TACR3: variants seen among roughly 807,000 people sequenced by gnomAD.
TACR3 encodes the protein tachykinin receptor 3.
In TACR3, 34 loss-of-function variants were observed where a neutral mutation model predicts 35.0. The observed-to-expected ratio is 0.97, with a 90% CI of 0.74 to 1.30. The LOEUF is 1.30. Ranked by LOEUF, TACR3 falls within the 50% of genes most tolerant of loss-of-function variation. TACR3 has a pLI of 0.00. For missense variants in TACR3, 558 were observed against 591.7 expected (o/e 0.94, Z 0.59); for synonymous variants, 233 against 221.1 (o/e 1.05, Z -0.48).
chr4:103,648,639 A>C (rs1354704412), intron 3 of TACR3, among the ~76,000 whole-genome samples: 1 of 152,114 alleles, frequency 6.6e-6, no homozygotes, highest in East Asian at 1.9e-4. Context: ...ATGGCTGAAA[A>C]GTACTCCATT....
intron 1 of TACR3, among the ~76,000 whole-genome samples, chr4:103,690,738 A>C (rs944994102): frequency 6.6e-6 from 1 of 152,154 alleles, no homozygotes; most frequent in Admixed American, 6.6e-5. Context: ...TAAAATAAGT[A>C]TCAACATTTT....
intron 3 of TACR3, among the ~76,000 whole-genome samples, chr4:103,604,732 G>C (rs982942163): frequency 3.9e-5 from 6 of 152,020 alleles, no homozygotes; most frequent in Non-Finnish European, 1.5e-5. Context: ...CAAAGGATAT[G>C]AAGAGACACT....
At chr4:103,639,337 C>A (rs1038410444) in intron 3 of TACR3, among the ~76,000 whole-genome samples, 11 of 151,688 alleles carry the variant, frequency 7.3e-5, no homozygotes, top group Admixed American at 2.0e-4. Context: ...AAACTATCGC[C>A]AGGACAAAAA....
intron 1 of TACR3, among the ~76,000 whole-genome samples, chr4:103,703,795 G>T (rs1722719681): frequency 6.6e-6 from 1 of 151,832 alleles, no homozygotes; most frequent in Non-Finnish European, 1.5e-5. Flanking sequence ...AGGAACTTTG[G>T]GTATTAAGAA....
chr4:103,638,723 T>A (rs1047541299), intron 3 of TACR3, among the ~76,000 whole-genome samples: 1 of 151,922 alleles, frequency 6.6e-6, no homozygotes, highest in African/African-American at 2.4e-5. Context: ...GAATCTACAA[T>A]GAACTCAAAC....
intron 1 of TACR3, among the ~76,000 whole-genome samples, chr4:103,660,611 T>C (rs1403695495): frequency 6.6e-6 from 1 of 151,982 alleles, no homozygotes; most frequent in East Asian, 1.9e-4. Context: ...TTTAGTGCCT[T>C]GATTGTGGCG....
intron 3 of TACR3, among the ~76,000 whole-genome samples, chr4:103,638,873 C>A (rs370664084): frequency 0.019 from 2,841 of 152,006 alleles, 86 homozygotes; most frequent in African/African-American, 0.066. Flanking sequence ...AGAAATGCAA[C>A]TCAAAACCAC....
intron 3 of TACR3, among the ~76,000 whole-genome samples, chr4:103,609,486 T>A (rs1156696389): frequency 2.6e-5 from 4 of 152,042 alleles, no homozygotes; most frequent in Non-Finnish European, 5.9e-5. Flanking sequence ...TTGTTTATAA[T>A]TAACAGATAA....
rs200191397 is a variant in TACR3, at chr4:103,589,947, T to C, written c.1133A>G (p.Lys378Arg). The change falls in exon 5 of 5, where the codon AAA becomes AGA. Residue 378 changes from lysine (K) to arginine (R), a missense_variant. Transcript: ENST00000304883. Reference protein sequence around the residue: ...KRAFRWCPFIKVSSYDELELK... With the variant: ...KRAFRWCPFIRVSSYDELELK... ...CTCTAGCTCATCATAGCTGGAAACT[T>C]TGATGAAAGGACACCAGCGAAATGC... is the stretch of plus-strand genomic sequence containing the variant. 2.5e-6 allele frequency: 4 copies of C among 1,613,894 alleles called. No homozygotes were observed. In the South Asian group the frequency reaches 3.3e-5, roughly 13 times the overall value.
intron 3 of TACR3, among the ~76,000 whole-genome samples, chr4:103,629,486 T>C (rs145872292): frequency 0.015 from 2,215 of 152,266 alleles, 23 homozygotes; most frequent in Non-Finnish European, 0.026. Context: ...AGCATTCTTA[T>C]ACACCAATAG....
At chr4:103,699,773 T>A (rs1018252886) in intron 1 of TACR3, among the ~76,000 whole-genome samples, 2 of 152,112 alleles carry the variant, frequency 1.3e-5, no homozygotes, top group African/African-American at 4.8e-5. Flanking sequence ...GACCTGAGGC[T>A]CATATTTTGA....
intron 1 of TACR3, among the ~76,000 whole-genome samples, chr4:103,716,323 T>C (rs1176800999): frequency 1.3e-5 from 2 of 151,628 alleles, no homozygotes; most frequent in African/African-American, 4.8e-5. Flanking sequence ...AAGAAGGAAA[T>C]GTGTAGAACT....
intron 1 of TACR3, among the ~76,000 whole-genome samples, chr4:103,706,427 A>G (rs1722791744): frequency 6.6e-6 from 1 of 152,178 alleles, no homozygotes; most frequent in Non-Finnish European, 1.5e-5. Flanking sequence ...TATATCTAAG[A>G]TCTATAATTT....
intron 1 of TACR3, among the ~76,000 whole-genome samples, chr4:103,671,602 A>T (rs926934176): frequency 2.0e-5 from 3 of 151,994 alleles, no homozygotes; most frequent in East Asian, 1.9e-4. Flanking sequence ...GTCTCTAATG[A>T]TCCTTTAAAT....
At chr4:103,651,312 T>C (rs917016016) in intron 3 of TACR3, among the ~76,000 whole-genome samples, 2 of 151,536 alleles carry the variant, frequency 1.3e-5, no homozygotes, top group Admixed American at 1.3e-4. Flanking sequence ...CAAGAATCAG[T>C]TGTTTCCCCT....
chr4:103,601,820 T>G (rs1724209647), intron 3 of TACR3, among the ~76,000 whole-genome samples: 1 of 152,214 alleles, frequency 6.6e-6, no homozygotes, highest in Non-Finnish European at 1.5e-5. Context: ...CGCTTAACAT[T>G]TTTTCCTTCA....
chr4:103,611,177 A>G (rs1421152475), intron 3 of TACR3, among the ~76,000 whole-genome samples: 2 of 152,056 alleles, frequency 1.3e-5, no homozygotes, highest in South Asian at 4.1e-4. Flanking sequence ...TGGTATTCTG[A>G]TAGGGATTGA....
chr4:103,624,337 A>G (rs1476660969), intron 3 of TACR3: 1 of 152,180 alleles, frequency 6.6e-6, no homozygotes, highest in African/African-American at 2.4e-5. Context: ...TAAGACTGCC[A>G]CATCTTACTG....
At chr4:103,659,841 T>C (rs377204244) in intron 1 of TACR3, among the ~76,000 whole-genome samples, 24 of 152,296 alleles carry the variant, frequency 1.6e-4, no homozygotes, top group African/African-American at 5.0e-4. Flanking sequence ...GGAGATAGCA[T>C]GGCTAATTGC....
Sources: allele counts gnomAD v4.1 joint callset (sites outside exome capture counted in the v4.1 genomes callset), GRCh38; gene constraint gnomAD v4.1.1; transcripts MANE v1.5; gene names NCBI Gene and HGNC (gene_info 2026-07-23, HGNC 2026-07-21).